The following DMD variants were observed in gnomAD, a reference collection of about 807,000 sequenced individuals.
DMD encodes the protein mutant dystrophin.
A neutral mutation model predicts 330.1 loss-of-function variants in DMD; 63 were observed. That is an observed-to-expected ratio of 0.19 (90% CI 0.16 to 0.24). DMD has a LOEUF of 0.24. Ranked by LOEUF, DMD falls within the 10% of genes least tolerant of loss-of-function variation. The pLI is 1.00. For synonymous variants in DMD, 1,223 were observed against 959.8 expected (o/e 1.27, Z -5.07); for missense variants, 3,344 against 2,684.1 (o/e 1.25, Z -5.43).
At chrX:32,086,065 A>G (rs981536306) in intron 44 of DMD, among the ~76,000 whole-genome samples, 2 of 112,328 alleles carry the variant, frequency 1.8e-5, no homozygotes. Context: ...ACAATGCACT[A>G]AGAAGCCAGA....
At chrX:32,438,196 A>C (rs768284891) in intron 29 of DMD, 45 bp downstream of exon 29, 11 of 1,177,648 alleles carry the variant, frequency 9.3e-6, no homozygotes, top group Admixed American at 2.2e-5. Flanking sequence ...TCTGCTATAC[A>C]TTAATGCAAA....
chrX:31,430,848 T>G (rs912601540), intron 60 of DMD, among the ~76,000 whole-genome samples: 5 of 93,238 alleles, frequency 5.4e-5, no homozygotes, highest in Admixed American at 1.2e-4. Flanking sequence ...CTGTCACCAG[T>G]CTGGAGTGCA....
intron 1 of DMD, among the ~76,000 whole-genome samples, chrX:33,133,613 T>C (rs1346137954): frequency 8.9e-6 from 1 of 111,806 alleles, no homozygotes; most frequent in Non-Finnish European, 1.9e-5. Context: ...ATCCCGGCCA[T>C]AATTGTTCTG....
At chrX:31,292,803 CAT>C (rs1027149477) in intron 62 of DMD, among the ~76,000 whole-genome samples, 8 of 111,878 alleles carry the variant, frequency 7.2e-5, no homozygotes, top group Admixed American at 2.9e-4. Flanking sequence ...CATGCAACAA[CAT>C]GAGTTAATCT....
At chrX:31,768,932 A>C (rs2090169487) in intron 51 of DMD, among the ~76,000 whole-genome samples, 1 of 112,272 alleles carries the variant, frequency 8.9e-6, no homozygotes. Context: ...GTATTCTTAA[A>C]ACTTAAAAAA....
At chrX:33,062,574 T>C (rs2094594872) in intron 1 of DMD, among the ~76,000 whole-genome samples, 1 of 112,072 alleles carries the variant, frequency 8.9e-6, no homozygotes, top group Admixed American at 9.5e-5. Context: ...CCTCCCGAGT[T>C]CAAGCAATTC....
intron 44 of DMD, among the ~76,000 whole-genome samples, chrX:32,082,339 C>T (rs2096397821): frequency 9.0e-6 from 1 of 111,260 alleles, no homozygotes; most frequent in African/African-American, 3.3e-5. Context: ...AACGATTCTC[C>T]CATCTCAGCC....
At chrX:32,039,673 T>A (rs2095983124) in intron 44 of DMD, among the ~76,000 whole-genome samples, 1 of 111,963 alleles carries the variant, frequency 8.9e-6, no homozygotes, top group Non-Finnish European at 1.9e-5. Flanking sequence ...TTCAAATATG[T>A]TAACTAAAGT....
At chrX:32,313,225 G>T (rs768883960) in intron 41 of DMD, among the ~76,000 whole-genome samples, 1 of 110,356 alleles carries the variant, frequency 9.1e-6, no homozygotes, top group South Asian at 3.9e-4. Context: ...TTCATCCCTG[G>T]GATGCAAAGC....
chrX:32,648,854 C>A (rs1351333953), intron 9 of DMD, among the ~76,000 whole-genome samples: 1 of 111,879 alleles, frequency 8.9e-6, no homozygotes, highest in Non-Finnish European at 1.9e-5. Context: ...TTGGAGATCA[C>A]TTCATACATG....
intron 51 of DMD, among the ~76,000 whole-genome samples, chrX:31,751,017 A>G (rs2088503680): frequency 9.2e-6 from 1 of 109,088 alleles, no homozygotes; most frequent in Non-Finnish European, 1.9e-5. Context: ...AAATGGAAGA[A>G]CATTCCGTGC....
intron 52 of DMD, among the ~76,000 whole-genome samples, chrX:31,693,635 A>G (rs965789247): frequency 1.8e-4 from 20 of 111,621 alleles, no homozygotes; most frequent in African/African-American, 6.2e-4. Context: ...TGTTTGTACA[A>G]TAACAACAAA....
rs369842456 is a variant in DMD at position 31,485,360 on chromosome X, A to C, written c.8548-6257T>G. ...CAGGCACGCGCCACCACACCCTGCT[A>C]ATTTTTTGTATTTTTAGTAGAGACG... On this transcript the variant is annotated intron_variant, in intron 57 of 78. Coordinates refer to ENST00000357033, the MANE Select transcript of DMD (RefSeq NM_004006.3). 1.8e-4 allele frequency among the ~76,000 whole-genome samples: 20 copies of C among 109,895 alleles called. No individual in the cohort carries two copies. The East Asian group carries it at 2.0e-3, about 11-fold the overall frequency.
At chrX:31,913,722 AAAAAC>A (rs1255842148) in intron 47 of DMD, among the ~76,000 whole-genome samples, 9 of 100,106 alleles carry the variant, frequency 9.0e-5, no homozygotes, top group African/African-American at 3.4e-4. Context: ...GATTTTGAAA[AAAAAC>A]AAAAACAAAA....
intron 62 of DMD, among the ~76,000 whole-genome samples, chrX:31,265,135 G>A (rs1214621601): frequency 1.8e-5 from 2 of 112,117 alleles, no homozygotes; most frequent in Non-Finnish European, 3.8e-5. Flanking sequence ...TATAAAAAGG[G>A]AGCGTTCTCT....
At chrX:31,482,083 G>GTCTT (rs1223525252) in intron 57 of DMD, among the ~76,000 whole-genome samples, 2 of 111,456 alleles carry the variant, frequency 1.8e-5, no homozygotes, top group Non-Finnish European at 3.8e-5. Flanking sequence ...CTAGGGGTAA[G>GTCTT]TCTTTGGGCA....
intron 55 of DMD, among the ~76,000 whole-genome samples, chrX:31,513,490 G>C (rs1316594469): frequency 9.0e-6 from 1 of 111,074 alleles, no homozygotes. Context: ...GGAGAATCAA[G>C]TGGAGTTCTC....
At chrX:32,398,262 AACC>A (rs1485404239) in intron 30 of DMD, among the ~76,000 whole-genome samples, 3 of 83,079 alleles carry the variant, frequency 3.6e-5, no homozygotes, top group African/African-American at 1.7e-4. Flanking sequence ...TCTTTTTTTA[AACC>A]CCCCCCCCCA....
At chrX:32,331,574 CTAT>C (rs1435829934) in intron 41 of DMD, among the ~76,000 whole-genome samples, 2 of 111,032 alleles carry the variant, frequency 1.8e-5, no homozygotes, top group East Asian at 2.8e-4. Context: ...CAGTATATTA[CTAT>C]GTTTTTTCTT....
Sources: allele counts gnomAD v4.1 joint callset (sites outside exome capture counted in the v4.1 genomes callset), GRCh38; gene constraint gnomAD v4.1.1; transcripts MANE v1.5; gene names NCBI Gene and HGNC (gene_info 2026-07-23, HGNC 2026-07-21).